RBFOX3: variants seen among roughly 807,000 people sequenced by gnomAD.
RBFOX3 encodes the protein RNA binding fox-1 homolog 3, also known as RNA binding protein fox-1 homolog 3.
RBFOX3 carries 17 observed loss-of-function variants against 48.7 expected under a neutral mutation model. The ratio of observed to expected loss-of-function variants is 0.35; its 90% confidence interval spans 0.24 to 0.52. The LOEUF is 0.52. Among genes scored for constraint, RBFOX3 ranks in the 20% least tolerant of loss-of-function variants. The pLI, the probability that RBFOX3 is intolerant of heterozygous loss-of-function variation, is 0.94. For synonymous variants in RBFOX3, 212 were observed against 209.5 expected (o/e 1.01, Z -0.10); for missense variants, 382 against 497.5 (o/e 0.77, Z 2.21).
intron 2 of RBFOX3, 34 bp from the exon 3 acceptor site, chr17:79,307,858 G>A (rs377709933): frequency 6.0e-4 from 92 of 153,726 alleles, no homozygotes; most frequent in Non-Finnish European, 1.1e-3. Flanking sequence ...AGAACAAAAC[G>A]GTGTTCAATC....
chr17:79,603,472 G>A (rs2093756818), intron 1 of RBFOX3, among the ~76,000 whole-genome samples: 1 of 152,218 alleles, frequency 6.6e-6, no homozygotes, highest in South Asian at 2.1e-4. Context: ...GCTTCGGGGT[G>A]TTCCTAAGGA....
rs984894099 is a variant in RBFOX3, at chr17:79,178,577, A to C, written c.-34+57189T>G. 2.0e-5 allele frequency among the ~76,000 whole-genome samples: 3 copies of C among 152,190 alleles called. No homozygotes were observed. In the East Asian group the frequency reaches 5.8e-4, roughly 29 times the overall value. On this transcript the variant is annotated intron_variant, in intron 4 of 14. Transcript: ENST00000693108. ...ACCTCCCAGTGCCTCGGTTTCTCCAACTGAAAACATGCATGTCCACACCCT... is the reference window on the plus strand; with the variant it reads ...ACCTCCCAGTGCCTCGGTTTCTCCACCTGAAAACATGCATGTCCACACCCT...
chr17:79,535,175 G>T lies in RBFOX3; in HGVS notation c.-319-52577C>A, dbSNP rs950691336. Among the ~76,000 whole-genome samples the T allele has an allele frequency of 6.6e-6, 1 of 152,190 alleles. No individual in the cohort carries two copies. The highest frequency in any genetic ancestry group is 2.4e-5 in the African/African-American group (1 of 41,452). ...AGGACACAGGTCCTGTCTCCTGCCTGCTCTGCTACCCTCAATGTAGGCCTC... is the reference window on the plus strand; with the variant it reads ...AGGACACAGGTCCTGTCTCCTGCCTTCTCTGCTACCCTCAATGTAGGCCTC... On this transcript the variant is annotated intron_variant, in intron 1 of 14. Coordinates refer to ENST00000693108, the MANE Select transcript of RBFOX3 (RefSeq NM_001350451.2). This position sits in a 1 kb window ranked among gnomAD's most constrained non-coding sequence, Gnocchi z 4.5.
intron 3 of RBFOX3, among the ~76,000 whole-genome samples, chr17:79,268,025 C>G (rs1298931273): frequency 2.0e-5 from 3 of 152,234 alleles, no homozygotes; most frequent in Admixed American, 6.5e-5. Context: ...TCCTCGGTCT[C>G]TGCAAATTTT....
the RBFOX3 span, among the ~76,000 whole-genome samples, chr17:79,662,706 T>C: frequency 6.6e-6 from 1 of 152,190 alleles, no homozygotes; most frequent in Non-Finnish European, 1.5e-5. Context: ...TGGTAACAAG[T>C]CTGGGTGTTA....
chr17:79,344,485 T>C (rs1243872511), intron 2 of RBFOX3, among the ~76,000 whole-genome samples: 1 of 152,108 alleles, frequency 6.6e-6, no homozygotes, highest in African/African-American at 2.4e-5. Flanking sequence ...CCTTCCTCAT[T>C]GGGCTTCTCA....
At chr17:79,325,464 T>C (rs1226842093) in intron 2 of RBFOX3, among the ~76,000 whole-genome samples, 1 of 152,126 alleles carries the variant, frequency 6.6e-6, no homozygotes, top group African/African-American at 2.4e-5. Context: ...ACTACCCAGT[T>C]AGTTACATTT....
chr17:79,568,271 G>A (rs1036526846), intron 1 of RBFOX3, among the ~76,000 whole-genome samples: 3 of 152,180 alleles, frequency 2.0e-5, no homozygotes, highest in Non-Finnish European at 4.4e-5. Flanking sequence ...TCCATGTGCT[G>A]AGAGAACAGA....
At chr17:79,370,999 G>A (rs1358575463) in intron 2 of RBFOX3, among the ~76,000 whole-genome samples, 1 of 8,842 alleles carries the variant, frequency 1.1e-4, no homozygotes, top group East Asian at 0.029. Context: ...TCCTCCCCCG[G>A]TAGGGGGTTA....
chr17:79,360,816 G>T (rs1163771531), intron 2 of RBFOX3, among the ~76,000 whole-genome samples: 2 of 136,442 alleles, frequency 1.5e-5, no homozygotes, highest in Non-Finnish European at 3.1e-5. Flanking sequence ...AATTGCTCTG[G>T]ATCAAATTCC....
chr17:79,455,907 G>A (rs1199178228), intron 2 of RBFOX3, among the ~76,000 whole-genome samples: 1 of 152,154 alleles, frequency 6.6e-6, no homozygotes, highest in Non-Finnish European at 1.5e-5. Flanking sequence ...GCCTCTCTCG[G>A]ACATTGCACT....
rs896962373 is a variant in RBFOX3, at chr17:79,148,096, G to A, written c.-33-32348C>T. ...CACCGTGGGACCCCAGGGTGCGTGC[G>A]GCCCTAAAGACCCAGAGACAGGTGT... On this transcript the variant is annotated intron_variant, in intron 4 of 14. Coordinates refer to ENST00000693108, the MANE Select transcript of RBFOX3 (RefSeq NM_001350451.2). Among the ~76,000 whole-genome samples the A allele has an allele frequency of 3.9e-5, 6 of 152,196 alleles. No individual in the cohort carries two copies. The East Asian group carries it at 9.7e-4, about 24-fold the overall frequency.
chr17:79,159,226 G>C (rs1028664483), intron 4 of RBFOX3, among the ~76,000 whole-genome samples: 2 of 152,234 alleles, frequency 1.3e-5, no homozygotes, highest in Admixed American at 6.5e-5. Context: ...AGCTGACCTG[G>C]GGGTGCCCAT....
intron 4 of RBFOX3, among the ~76,000 whole-genome samples, chr17:79,147,169 C>T (rs887345188): frequency 2.0e-5 from 3 of 152,202 alleles, no homozygotes; most frequent in African/African-American, 4.8e-5. Context: ...CCGTCCGTGT[C>T]GTCCTCAGAG....
At chr17:79,165,279 A>AG (rs1270099207) in intron 4 of RBFOX3, among the ~76,000 whole-genome samples, 1 of 152,160 alleles carries the variant, frequency 6.6e-6, no homozygotes, top group African/African-American at 2.4e-5. Context: ...GGGAGGGAGG[A>AG]GGAAAAAACC....
chr17:79,301,650 A>G (rs551641363), intron 3 of RBFOX3, among the ~76,000 whole-genome samples: 1 of 152,216 alleles, frequency 6.6e-6, no homozygotes, highest in South Asian at 2.1e-4. Flanking sequence ...GACAATGCAG[A>G]CCCACCCGCA....
chr17:79,120,296 G>A (rs1033146789), intron 4 of RBFOX3, among the ~76,000 whole-genome samples: 1 of 152,136 alleles, frequency 6.6e-6, no homozygotes, highest in Non-Finnish European at 1.5e-5. Context: ...GTGGATGTAC[G>A]TACGTATGTA....
intron 5 of RBFOX3, among the ~76,000 whole-genome samples, chr17:79,110,293 C>G (rs758688302): frequency 3.9e-5 from 6 of 152,190 alleles, no homozygotes; most frequent in Admixed American, 6.5e-5. Context: ...CCAGCCCACT[C>G]AAGTTCGGGG....
At chr17:79,264,968 G>C (rs1049439414) in intron 3 of RBFOX3, among the ~76,000 whole-genome samples, 7 of 151,296 alleles carry the variant, frequency 4.6e-5, no homozygotes, top group East Asian at 1.9e-4. Flanking sequence ...CGAGAGGAGG[G>C]GGGGGGGGCG....
Sources: allele counts gnomAD v4.1 joint callset (sites outside exome capture counted in the v4.1 genomes callset), GRCh38; gene constraint gnomAD v4.1.1; non-coding constraint Gnocchi (gnomAD v3.1); transcripts MANE v1.5; gene names NCBI Gene and HGNC (gene_info 2026-07-23, HGNC 2026-07-21).